The following CEP78 variants were observed in gnomAD, a reference collection of about 807,000 sequenced individuals.
The protein encoded by CEP78 is centrosomal protein 78.
In CEP78, 76 loss-of-function variants were observed where a neutral mutation model predicts 81.2. The observed-to-expected ratio is 0.94, with a 90% confidence interval of 0.78 to 1.13. The LOEUF (loss-of-function observed/expected upper bound fraction) is 1.13. CEP78 is among the 50% of genes most tolerant of loss of function. The probability of loss-of-function intolerance (pLI) is 0.00; values close to 1 mark genes in which losing one functional copy is unlikely to be tolerated. For missense variants in CEP78, 918 were observed against 846.8 expected (o/e 1.08, Z -1.04); for synonymous variants, 293 against 301.4 (o/e 0.97, Z 0.29).
At chr9:78,237,287 C>T (rs1333786477) in intron 1 of CEP78, among the ~76,000 whole-genome samples, 1 of 151,984 alleles carries the variant, frequency 6.6e-6, no homozygotes, top group Non-Finnish European at 1.5e-5. Flanking sequence ...GGCCTGTCTT[C>T]ATTTTTTAAG....
At chr9:78,268,177 A>G (rs1827608615) in intron 16 of CEP78, among the ~76,000 whole-genome samples, 1 of 152,204 alleles carries the variant, frequency 6.6e-6, no homozygotes, top group African/African-American at 2.4e-5. Flanking sequence ...AGGTCATGTT[A>G]ATTTCTAAGC....
intron 9 of CEP78, among the ~76,000 whole-genome samples, chr9:78,252,626 G>A (rs776476009): frequency 7.9e-5 from 12 of 151,946 alleles, no homozygotes; most frequent in Non-Finnish European, 1.6e-4. Context: ...AATTATTTTC[G>A]AATGACTGAC....
In CEP78 at chr9:78,278,026, G is replaced by A. The variant is rs187818176; in HGVS notation, c.*7175G>A. ...GTTTACCTATACGTAGCATATATGC[G>A]TGTGTGCACCCTAGAAAAGAGTCTG... On this transcript the variant is annotated 3_prime_UTR_variant, in exon 17 of 17. Coordinates refer to ENST00000643273, the MANE Select transcript of CEP78 (RefSeq NM_001330691.3). 33 of 152,192 alleles carry A rather than the reference G, an allele frequency of 2.2e-4. 1 individual carries two copies. In the East Asian group the frequency reaches 3.7e-3, roughly 17 times the overall value. 9.4% of individuals were successfully genotyped at this position (152,192 alleles called of 1,614,324 possible). A position where few individuals can be genotyped will look rare whatever the true frequency, so the allele number is the denominator to read the frequency against.
intron 5 of CEP78, among the ~76,000 whole-genome samples, chr9:78,244,398 G>C (rs1241111104): frequency 6.6e-6 from 1 of 152,116 alleles, no homozygotes; most frequent in Non-Finnish European, 1.5e-5. Context: ...AAAGTGCTGG[G>C]ATTCCAGGCA....
chr9:78,259,161 A>G (rs778211515), intron 11 of CEP78, among the ~76,000 whole-genome samples: 26 of 152,254 alleles, frequency 1.7e-4, no homozygotes, highest in Non-Finnish European at 3.4e-4. Context: ...AACAAGAGCT[A>G]CAGGCAACAA....
intron 6 of CEP78, among the ~76,000 whole-genome samples, chr9:78,247,168 C>G (rs1826532062): frequency 6.6e-6 from 1 of 152,184 alleles, no homozygotes; most frequent in Non-Finnish European, 1.5e-5. Flanking sequence ...TAGACAAATT[C>G]TTGGTCTCAT....
chr9:78,264,779 T>C (rs769288484), intron 13 of CEP78, among the ~76,000 whole-genome samples: 4 of 152,222 alleles, frequency 2.6e-5, no homozygotes, highest in Non-Finnish European at 5.9e-5. Context: ...TTTATTCACT[T>C]TGCTTGTTAA....
chr9:78,264,229 T>C lies in CEP78; in HGVS notation c.1538T>C (p.Met513Thr). The change falls in exon 13 of 17, where the codon ATG (methionine) becomes ACG (threonine). Residue 513 changes from methionine to threonine, a missense_variant. Met to Thr is a moderately conservative substitution (Grantham distance 81). Coordinates refer to ENST00000643273, the MANE Select transcript of CEP78 (RefSeq NM_001330691.3). ...CTTCATGCACAGTCATTGACAAATA[T>C]GATCCTGGATGATGAAGGTGTTTTG... ...EALHAQSLTN[M>T]ILDDEGVLGS... 4 of 1,610,272 alleles carry C rather than the reference T, an allele frequency of 2.5e-6. No homozygotes were observed. The highest frequency in any genetic ancestry group is 2.5e-6 in the Non-Finnish European group (3 of 1,178,134).
Position 78,274,549 on chromosome 9 carries a change from C to A in CEP78, c.*3698C>A, listed in dbSNP as rs1827763265. ...TCAGTAGATCAGGATATGAAGGATA[C>A]CATTGAACATAAATATTTTGTATCC... On this transcript the variant is annotated 3_prime_UTR_variant, in exon 17 of 17. Transcript: ENST00000643273. 1 of 152,090 alleles carries A rather than the reference C, an allele frequency of 6.6e-6. No homozygotes were observed. Among genetic ancestry groups the A allele is most frequent in the Non-Finnish European group, 1.5e-5 (1 of 68,016 alleles). The allele number at this position is 152,090 out of a possible 1,614,324, so 9.4% of individuals were successfully genotyped here. A position where few individuals can be genotyped will look rare whatever the true frequency, so the allele number is the denominator to read the frequency against.
intron 4 of CEP78, 103 bp from the exon 5 acceptor site, chr9:78,243,359 G>A: frequency 2.2e-6 from 2 of 897,240 alleles, no homozygotes; most frequent in South Asian, 3.9e-5. Flanking sequence ...TATGTACCTG[G>A]TGTGTGTGTA....
chr9:78,270,789 A>G (rs1827674111), intron 16 of CEP78, 52 bp from the exon 17 acceptor site: 3 of 657,332 alleles, frequency 4.6e-6, no homozygotes, highest in Non-Finnish European at 8.2e-6. Context: ...ATTATAAACT[A>G]CATGCTGGAA....
Position 78,236,368 on chromosome 9 carries a change from G to A in CEP78, c.18G>A (p.Lys6=). 2 of 1,582,814 alleles carry A rather than the reference G, an allele frequency of 1.3e-6. No homozygotes were observed. Among genetic ancestry groups the A allele is most frequent in the Non-Finnish European group, 1.7e-6 (2 of 1,167,762 alleles). Residue 6 remains lysine (K), a synonymous_variant, in exon 1 of 17, where the codon AAG becomes AAA. Transcript: ENST00000643273. MIDSV[K]LRRDSAADFF... is the part of the protein sequence containing the mutation. The stretch of plus-strand genomic sequence containing the variant: ...CTCGGGCCATGATCGACTCCGTGAA[G>A]CTGCGCCGCGACAGCGCGGCGGACT...
intron 16 of CEP78, among the ~76,000 whole-genome samples, chr9:78,267,513 A>G (rs1257678490): frequency 6.6e-6 from 1 of 152,226 alleles, no homozygotes; most frequent in Non-Finnish European, 1.5e-5. Flanking sequence ...ATAGGGAACT[A>G]TTAATATTAT....
intron 6 of CEP78, among the ~76,000 whole-genome samples, chr9:78,247,322 G>A (rs941353165): frequency 6.6e-6 from 1 of 152,296 alleles, no homozygotes; most frequent in African/African-American, 2.4e-5. Context: ...ACTGAAAAAG[G>A]GACATTTGAA....
intron 6 of CEP78, among the ~76,000 whole-genome samples, chr9:78,247,884 G>GT (rs1826571263): frequency 6.6e-6 from 1 of 152,178 alleles, no homozygotes; most frequent in African/African-American, 2.4e-5. Flanking sequence ...GGGTGGTACT[G>GT]TTTATAGAGA....
intron 7 of CEP78, 108 bp downstream of exon 7, chr9:78,248,463 T>TTCC (rs1826602317): frequency 1.4e-6 from 1 of 720,374 alleles, no homozygotes; most frequent in East Asian, 2.7e-5. Context: ...TCCAGTGATC[T>TTCC]TCCCCCTTCC....
rs998196541 is a variant in CEP78 at position 78,243,927 on chromosome 9, A to C, written c.778+291A>C. On this transcript the variant is annotated intron_variant, in intron 5 of 16. Coordinates refer to ENST00000643273, the MANE Select transcript of CEP78 (RefSeq NM_001330691.3). ...CCTGCAGATACATTTGTGTGCTTAG[A>C]GTTACAAGAACAGAACTATAGTGCA... Among the ~76,000 whole-genome samples, 11 of 151,766 alleles carry C rather than the reference A, an allele frequency of 7.2e-5. 1 individual carries two copies. The highest frequency in any genetic ancestry group is 1.4e-4 in the African/African-American group (6 of 41,446).
At chr9:78,238,767 G>A (rs945875377) in intron 1 of CEP78, among the ~76,000 whole-genome samples, 34 of 152,178 alleles carry the variant, frequency 2.2e-4, no homozygotes, top group African/African-American at 8.2e-4. Flanking sequence ...ATAATATCAG[G>A]AACCAGGCCA....
In CEP78 at chr9:78,236,757, C is replaced by T; in HGVS notation, c.253+154C>T. ...GAGTGGCTTAAGGTCTCTAGGGCTT[C>T]AGTGTGCTCATCCGTAACATGGGCT... On this transcript the variant is annotated intron_variant, in intron 1 of 16. Coordinates refer to ENST00000643273, the MANE Select transcript of CEP78 (RefSeq NM_001330691.3). 3 of 930,126 alleles carry T rather than the reference C, an allele frequency of 3.2e-6. No individual in the cohort carries two copies. The East Asian group carries it at 9.1e-5, about 28-fold the overall frequency. The allele number at this position is 930,126 out of a possible 1,614,324, so 57.6% of individuals were successfully genotyped here.
Sources: allele counts gnomAD v4.1 joint callset (sites outside exome capture counted in the v4.1 genomes callset), GRCh38; gene constraint gnomAD v4.1.1; transcripts MANE v1.5; gene names NCBI Gene and HGNC (gene_info 2026-07-23, HGNC 2026-07-21).